NHSL1: variants seen among roughly 807,000 people sequenced by gnomAD.
The protein encoded by NHSL1 is NHS-like protein 1.
Under a neutral mutation model 95.0 loss-of-function variants are expected in NHSL1, and 48 were observed. That is an observed-to-expected ratio of 0.51 (90% CI 0.40 to 0.64). NHSL1 has a LOEUF of 0.64. Ranked by LOEUF, NHSL1 falls within the 30% of genes least tolerant of loss-of-function variation. The probability of loss-of-function intolerance (pLI) is 0.00; values close to 1 mark genes in which losing one functional copy is unlikely to be tolerated. For missense variants in NHSL1, 1,971 were observed against 2,077.7 expected, an observed-to-expected ratio of 0.95 and a Z score of 1.00; for synonymous variants, 783 against 833.9, an observed-to-expected ratio of 0.94 and a Z score of 1.05.
At chr6:138,523,640 A>AAAAAAC (rs1305337586) in intron 1 of NHSL1, among the ~76,000 whole-genome samples, 2 of 147,876 alleles carry the variant, frequency 1.4e-5, no homozygotes, top group East Asian at 1.9e-4. Context: ...AAAAAAAAAA[A>AAAAAAC]AAAAAAAAAA....
chr6:138,594,674 C>A (rs1342754307), intron 1 of NHSL1, among the ~76,000 whole-genome samples: 2 of 151,700 alleles, frequency 1.3e-5, no homozygotes, highest in Admixed American at 6.6e-5. Context: ...AGACAACAGA[C>A]AAATAATTGA....
In NHSL1 at chr6:138,496,350, T is replaced by C. The variant is rs1353957772; in HGVS notation, c.80A>G (p.Glu27Gly). The C allele has an allele frequency of 1.3e-6, 2 of 1,550,460 alleles. No homozygotes were observed. The highest frequency in any genetic ancestry group is 1.7e-6 in the Non-Finnish European group (2 of 1,146,878). The change falls in exon 2 of 8, where the codon GAA becomes GGA. Residue 27 changes from glutamate (E) to glycine (G), a missense_variant. By Grantham distance (98) the Glu-to-Gly change is moderately conservative. Coordinates refer to ENST00000343505, the MANE Select transcript of NHSL1 (RefSeq NM_001144060.2). ...AGTGTAGTGGACTGTCCATCGGCTT[T>C]CCTCATCTAGGTTGGAAACCGCTAT... ...KKKTVSNLDE[E>G]SRWTVHYTAP... is the part of the protein sequence containing the mutation.
intron 2 of NHSL1, among the ~76,000 whole-genome samples, chr6:138,482,885 T>A (rs895204821): frequency 1.3e-4 from 20 of 152,194 alleles, no homozygotes; most frequent in Non-Finnish European, 2.2e-4. Context: ...CACAGGCCAA[T>A]GTACAGAGCA....
chr6:138,571,898 C>G (rs546781699), exon 1 of NHSL1: 31 of 1,551,270 alleles, frequency 2.0e-5, no homozygotes, highest in Non-Finnish European at 2.5e-5. Context: ...ACCTGAAGAG[C>G]CTTCCTTTTT....
intron 3 of NHSL1, among the ~76,000 whole-genome samples, chr6:138,472,871 G>C (rs1430399687): frequency 6.6e-6 from 1 of 152,054 alleles, no homozygotes; most frequent in Admixed American, 6.5e-5. Flanking sequence ...GTAAACAGTG[G>C]GTTCTGCTAT....
chr6:138,547,395 T>C (rs571911184), upstream of NHSL1, among the ~76,000 whole-genome samples: 12 of 152,132 alleles, frequency 7.9e-5, no homozygotes, highest in East Asian at 7.7e-4. Context: ...TCTTTTTTTT[T>C]CCCCTGAGAG....
chr6:138,682,004 G>A (rs769521626), intron 1 of NHSL1, among the ~76,000 whole-genome samples: 3 of 146,430 alleles, frequency 2.0e-5, no homozygotes, highest in African/African-American at 5.1e-5. Context: ...TTTCTGAGAC[G>A]GAGTTTTGAT....
chr6:138,521,093 T>C (rs1562345735), intron 1 of NHSL1, among the ~76,000 whole-genome samples: 1 of 152,146 alleles, frequency 6.6e-6, no homozygotes, highest in Non-Finnish European at 1.5e-5. Context: ...TGCACACCTA[T>C]CAGGTGTGAT....
At chr6:138,436,448 G>A (rs1776106212) in intron 5 of NHSL1, among the ~76,000 whole-genome samples, 1 of 152,254 alleles carries the variant, frequency 6.6e-6, no homozygotes, top group African/African-American at 2.4e-5. Context: ...TTCTGTGAAA[G>A]CTGAGAGAGG....
At chr6:138,511,425 A>T (rs1034135932) in intron 1 of NHSL1, among the ~76,000 whole-genome samples, 10 of 151,076 alleles carry the variant, frequency 6.6e-5, no homozygotes, top group African/African-American at 1.9e-4. Context: ...TGTGTGTGTG[A>T]GAGAGAGTGT....
intron 1 of NHSL1, among the ~76,000 whole-genome samples, chr6:138,690,433 C>T (rs1785648786): frequency 6.6e-6 from 1 of 151,000 alleles, no homozygotes; most frequent in African/African-American, 2.4e-5. Flanking sequence ...AGCCTTCTTG[C>T]ATGATTATTA....
chr6:138,626,144 T>G (rs1163924817), intron 1 of NHSL1, among the ~76,000 whole-genome samples: 1 of 152,230 alleles, frequency 6.6e-6, no homozygotes, highest in East Asian at 1.9e-4. Context: ...AAATGATCCC[T>G]GGCACTGAGG....
intron 1 of NHSL1, among the ~76,000 whole-genome samples, chr6:138,670,529 A>C (rs1334680308): frequency 6.7e-6 from 1 of 149,276 alleles, no homozygotes; most frequent in African/African-American, 2.4e-5. Context: ...AGCCGGGCGT[A>C]GTGGCGGGCG....
intron 1 of NHSL1, among the ~76,000 whole-genome samples, chr6:138,516,785 C>T (rs6915331): frequency 0.036 from 5,421 of 152,094 alleles, 144 homozygotes; most frequent in South Asian, 0.082. Context: ...CAAGTGCATG[C>T]CACCATGCCC....
At chr6:138,534,546 G>A (rs1159772589) in intron 1 of NHSL1, among the ~76,000 whole-genome samples, 2 of 152,100 alleles carry the variant, frequency 1.3e-5, no homozygotes, top group East Asian at 1.9e-4. Flanking sequence ...ACAGATATAT[G>A]CATACAAATA....
chr6:138,583,507 G>A (rs932115657), intron 1 of NHSL1, among the ~76,000 whole-genome samples: 1 of 152,070 alleles, frequency 6.6e-6, no homozygotes, highest in Non-Finnish European at 1.5e-5. Flanking sequence ...AACACCCCAC[G>A]CAGAGAGATG....
At chr6:138,653,975 CTA>C (rs1255737195) in intron 1 of NHSL1, among the ~76,000 whole-genome samples, 9 of 152,196 alleles carry the variant, frequency 5.9e-5, no homozygotes, top group African/African-American at 2.2e-4. Context: ...ACAGCTCCCT[CTA>C]TGCAAATACC....
At chr6:138,483,917 G>C (rs1779571322) in intron 2 of NHSL1, among the ~76,000 whole-genome samples, 1 of 152,062 alleles carries the variant, frequency 6.6e-6, no homozygotes, top group South Asian at 2.1e-4. Flanking sequence ...TGGCCCCATT[G>C]GTCACCCAGG....
At chr6:138,521,277 T>C (rs947861978) in intron 1 of NHSL1, among the ~76,000 whole-genome samples, 2 of 151,930 alleles carry the variant, frequency 1.3e-5, no homozygotes, top group African/African-American at 2.4e-5. Flanking sequence ...CTGGGCAACA[T>C]AGTGAGACCC....
Sources: allele counts gnomAD v4.1 joint callset (sites outside exome capture counted in the v4.1 genomes callset), GRCh38; gene constraint gnomAD v4.1.1; transcripts MANE v1.5; gene names NCBI Gene and HGNC (gene_info 2026-07-23, HGNC 2026-07-21).